NFU1: variants seen among roughly 807,000 people sequenced by gnomAD.
NFU1 encodes the protein NFU1 iron-sulfur cluster scaffold homolog, mitochondrial.
NFU1 carries 30 observed loss-of-function variants against 32.2 expected under a neutral mutation model. The observed-to-expected ratio is 0.93, with a 90% confidence interval of 0.70 to 1.26. NFU1 has a LOEUF of 1.26. NFU1 is among the 50% of genes most tolerant of loss of function. The pLI is 0.00. For synonymous variants in NFU1, 112 were observed against 104.6 expected, an observed-to-expected ratio of 1.07 and a Z score of -0.43; for missense variants, 306 against 306.6, an observed-to-expected ratio of 1.00 and a Z score of 0.02.
intron 7 of NFU1, among the ~76,000 whole-genome samples, chr2:69,398,219 T>C (rs1033143180): frequency 6.6e-6 from 1 of 152,178 alleles, no homozygotes. Flanking sequence ...TTGGATATGA[T>C]TTCAAGTCTC....
chr2:69,436,613 T>C (rs1274684625), intron 1 of NFU1, among the ~76,000 whole-genome samples: 2 of 152,322 alleles, frequency 1.3e-5, no homozygotes, highest in Non-Finnish European at 1.5e-5. Context: ...TAAATCTTTT[T>C]AGGATATACA....
chr2:69,406,839 CTA>C (rs1314245238), intron 5 of NFU1, among the ~76,000 whole-genome samples: 1 of 152,078 alleles, frequency 6.6e-6, no homozygotes. Flanking sequence ...CCCATAATCC[CTA>C]TGTGTTGTGG....
At chr2:69,423,186 TGAGATGGGCTGTGTGTGTGTGTGGGG>T (rs1558837712) in intron 3 of NFU1, among the ~76,000 whole-genome samples, 2 of 62,404 alleles carry the variant, frequency 3.2e-5, no homozygotes, top group Non-Finnish European at 6.3e-5. Context: ...GTGTGTGTGG[TGAGATGGGCTGTGTGTGTGTGTGGGG>T]GGGGGCGGGT....
rs1159290068 is a variant in NFU1 at position 69,421,414 on chromosome 2, G to A, written c.303-1810C>T. 2.0e-5 allele frequency among the ~76,000 whole-genome samples: 3 copies of A among 151,874 alleles called. No homozygotes were observed. In the East Asian group the frequency reaches 5.8e-4, roughly 29 times the overall value. On this transcript the variant is annotated intron_variant, in intron 3 of 7. Transcript: ENST00000410022. The stretch of plus-strand genomic sequence containing the variant: ...GTATAGAAATAGTTACCTGAGCTCT[G>A]TTTTCCGAGTATCCCTGGCAATCAG...
In NFU1 at chr2:69,397,314, T is replaced by G. The variant is rs558157280; in HGVS notation, c.721-1024A>C. Reference sequence around the variant, plus strand: ...ATTTTAGTCTTACTGAGATAAAAGATCATTTTAAGCCTCAGGAAAATGTTA... The same window carrying G: ...ATTTTAGTCTTACTGAGATAAAAGAGCATTTTAAGCCTCAGGAAAATGTTA... On this transcript the variant is annotated intron_variant, in intron 7 of 7. Transcript: ENST00000410022. 2.0e-5 allele frequency among the ~76,000 whole-genome samples: 3 copies of G among 152,330 alleles called. No individual in the cohort carries two copies. In the South Asian group the frequency reaches 6.2e-4, roughly 32 times the overall value.
At chr2:69,398,869 A>C (rs1310880236) in intron 7 of NFU1, among the ~76,000 whole-genome samples, 1 of 152,162 alleles carries the variant, frequency 6.6e-6, no homozygotes, top group Non-Finnish European at 1.5e-5. Context: ...ATGAATTTTA[A>C]TACTACCCAA....
At chr2:69,400,804 G>A (rs565242817) in intron 6 of NFU1, among the ~76,000 whole-genome samples, 3 of 151,784 alleles carry the variant, frequency 2.0e-5, no homozygotes, top group Admixed American at 2.0e-4. Flanking sequence ...TCTTTTTAAG[G>A]CTGGGCATGG....
At position 69,400,366 on chromosome 2, in the gene NFU1, G is replaced by T. The variant is rs143214599; in HGVS notation, c.718C>A (p.Gln240Lys). ...ACTGTCATATAATATTGGCATACCT[G>T]TTCTACGCCTTCTACCTCCGGAATA... Reference protein sequence around the residue: ...FYIPEVEGVEQVMDDESDEKE... With the variant: ...FYIPEVEGVEKVMDDESDEKE... Residue 240 changes from glutamine to lysine, a missense_variant and splice_region_variant, in exon 7 of 8, where the codon CAG becomes AAG. By Grantham distance (53) the Gln-to-Lys change is moderately conservative. Coordinates refer to ENST00000410022, the MANE Select transcript of NFU1 (RefSeq NM_001002755.4). The T allele has an allele frequency of 1.2e-6, 2 of 1,613,180 alleles. No individual in the cohort carries two copies. The highest frequency in any genetic ancestry group is 2.7e-5 in the African/African-American group (2 of 74,900).
At chr2:69,428,970 T>C (rs775915646) in intron 2 of NFU1, among the ~76,000 whole-genome samples, 1 of 152,198 alleles carries the variant, frequency 6.6e-6, no homozygotes, top group African/African-American at 2.4e-5. Context: ...TGAACTCCCA[T>C]ACATTTTGTT....
chr2:69,439,017 G>A (rs749502386), upstream of NFU1, among the ~76,000 whole-genome samples: 8 of 151,534 alleles, frequency 5.3e-5, no homozygotes, highest in African/African-American at 1.5e-4. Flanking sequence ...GTTCTTCTCA[G>A]ACTTCAATTT....
In NFU1 at chr2:69,396,812, C is replaced by T. The variant is rs572664238; in HGVS notation, c.721-522G>A. Among the ~76,000 whole-genome samples, 8 of 152,266 alleles carry T rather than the reference C, an allele frequency of 5.3e-5. No individual in the cohort carries two copies. The South Asian group carries it at 1.7e-3, about 32-fold the overall frequency. The stretch of plus-strand genomic sequence containing the variant: ...CTGGGGCCAGGCGCGGTGGCTCACG[C>T]CTGTAATCCCAGCACTTTGGGAGGC... On this transcript the variant is annotated intron_variant, in intron 7 of 7. Transcript: ENST00000410022.
At chr2:69,432,111 A>C in intron 1 of NFU1, 106 bp from the exon 2 acceptor site, 1 of 724,162 alleles carries the variant, frequency 1.4e-6, no homozygotes, top group South Asian at 1.6e-5. Flanking sequence ...TTTAAACATA[A>C]CCCGCAATAG....
upstream of NFU1, among the ~76,000 whole-genome samples, chr2:69,439,050 A>C (rs1281595940): frequency 6.6e-6 from 1 of 151,730 alleles, no homozygotes; most frequent in Non-Finnish European, 1.5e-5. Flanking sequence ...TGGATTCCTT[A>C]TCATAAGAAA....
chr2:69,416,318 TTAA>T (rs1434564560), intron 4 of NFU1: 2 of 146,438 alleles, frequency 1.4e-5, no homozygotes, highest in Non-Finnish European at 3.0e-5. Flanking sequence ...TAATTTATAA[TTAA>T]TAAAAATTAA....
At chr2:69,403,450 G>T (rs1433844712) in intron 6 of NFU1, among the ~76,000 whole-genome samples, 1 of 151,146 alleles carries the variant, frequency 6.6e-6, no homozygotes, top group African/African-American at 2.4e-5. Flanking sequence ...GAGTGCAATG[G>T]TGTGATCACA....
chr2:69,403,219 T>G (rs577044210), intron 6 of NFU1, among the ~76,000 whole-genome samples: 1 of 152,182 alleles, frequency 6.6e-6, no homozygotes, highest in South Asian at 2.1e-4. Flanking sequence ...GTTGATTTTG[T>G]TTTTTTGTTT....
chr2:69,427,054 G>A (rs1445440353), intron 2 of NFU1, among the ~76,000 whole-genome samples: 2 of 122,394 alleles, frequency 1.6e-5, no homozygotes, highest in Non-Finnish European at 3.3e-5. Context: ...AGAGAGACTA[G>A]GTCTCAAAAA....
At position 69,423,602 on chromosome 2, in the gene NFU1, T is replaced by C; in HGVS notation, c.282A>G (p.Ala94=). ...RTMDFPTPAA[A]FRSPLARQLF... Reference sequence around the variant, plus strand: ...TATACCTAGCCAGAGGGGAGCGAAATGCTGCAGCTGGGGTGGGAAAATCCA... The same window carrying C: ...TATACCTAGCCAGAGGGGAGCGAAACGCTGCAGCTGGGGTGGGAAAATCCA... The change falls in exon 3 of 8, where the codon GCA becomes GCG. Residue 94 remains alanine, a synonymous_variant. Coordinates refer to ENST00000410022, the MANE Select transcript of NFU1 (RefSeq NM_001002755.4). 6.2e-7 allele frequency: 1 copy of C among 1,613,670 alleles called. No individual in the cohort carries two copies. The highest frequency in any genetic ancestry group is 8.5e-7 in the Non-Finnish European group (1 of 1,179,934).
chr2:69,438,882 CTTCCCCCATCCAACCCCCCACCCA>C, upstream of NFU1, among the ~76,000 whole-genome samples: 3 of 106,186 alleles, frequency 2.8e-5, no homozygotes, highest in East Asian at 3.4e-4. Context: ...ACCCAGTGAT[CTTCCCCCATCCAACCCCCCACCCA>C]CCCCCCCACA....
Sources: allele counts gnomAD v4.1 joint callset (sites outside exome capture counted in the v4.1 genomes callset), GRCh38; gene constraint gnomAD v4.1.1; transcripts MANE v1.5; gene names NCBI Gene and HGNC (gene_info 2026-07-23, HGNC 2026-07-21).